Variants in TFDP2 observed in about 807,000 individuals in gnomAD.
TFDP2 encodes the protein transcription factor Dp-2 (E2F dimerization partner 2).
In TFDP2, 17 loss-of-function variants were observed where a neutral mutation model predicts 59.3. That is an observed-to-expected ratio of 0.29 (90% CI 0.20 to 0.43). The LOEUF (loss-of-function observed/expected upper bound fraction) is 0.43, where lower values mean the gene tolerates loss of function less well. Ranked by LOEUF, TFDP2 falls within the 20% of genes least tolerant of loss-of-function variation. The probability of loss-of-function intolerance (pLI) is 1.00; values close to 1 mark genes in which losing one functional copy is unlikely to be tolerated. For synonymous variants in TFDP2, 180 were observed against 194.7 expected (o/e 0.92, Z 0.63); for missense variants, 391 against 528.8 (o/e 0.74, Z 2.56).
rs116256260 is a variant in TFDP2 at position 142,055,099 on chromosome 3, C to A, written c.82+37962G>T. The stretch of plus-strand genomic sequence containing the variant: ...AATCATAAAAACATCCACTTTTGAT[C>A]CTGCAATGCAGTCAGTCTCCTCCTA... On this transcript the variant is annotated intron_variant, in intron 3 of 12. Coordinates refer to ENST00000489671, the MANE Select transcript of TFDP2 (RefSeq NM_001178139.2). 2.3e-3 allele frequency among the ~76,000 whole-genome samples: 344 copies of A among 152,272 alleles called. 4 individuals carry two copies. The highest frequency in any genetic ancestry group is 7.7e-3 in the African/African-American group (322 of 41,564).
intron 1 of TFDP2, among the ~76,000 whole-genome samples, chr3:142,108,536 T>C (rs752183134): frequency 3.9e-5 from 6 of 152,146 alleles, no homozygotes; most frequent in Admixed American, 1.3e-4. Flanking sequence ...AATAAAATAT[T>C]TTAATCTCAG....
intron 3 of TFDP2, among the ~76,000 whole-genome samples, chr3:142,032,869 A>C (rs992814404): frequency 5.5e-4 from 83 of 152,218 alleles, no homozygotes; most frequent in African/African-American, 1.9e-3. Flanking sequence ...AGCCTTAGCC[A>C]TATGTGGCCA....
intron 3 of TFDP2, among the ~76,000 whole-genome samples, chr3:142,085,193 G>A (rs990494165): frequency 2.0e-5 from 3 of 152,312 alleles, no homozygotes; most frequent in South Asian, 4.1e-4. Context: ...GGGGTTACAG[G>A]CATGTGCCAT....
intron 3 of TFDP2, among the ~76,000 whole-genome samples, chr3:142,054,912 A>C (rs1458039950): frequency 1.3e-5 from 2 of 152,152 alleles, no homozygotes; most frequent in Non-Finnish European, 2.9e-5. Flanking sequence ...AAGGACAGAA[A>C]CCTCCAGAGA....
At chr3:142,073,428 T>G (rs1437636292) in intron 3 of TFDP2, among the ~76,000 whole-genome samples, 1 of 137,296 alleles carries the variant, frequency 7.3e-6, no homozygotes, top group Non-Finnish European at 1.5e-5. Context: ...AGATATCAAC[T>G]GTGTTAAATG....
chr3:142,123,186 G>C (rs1041206837), intron 1 of TFDP2, among the ~76,000 whole-genome samples: 5 of 152,178 alleles, frequency 3.3e-5, no homozygotes, highest in African/African-American at 1.2e-4. Flanking sequence ...CCAGGCTGGA[G>C]TACAGCGGCA....
At chr3:142,016,424 G>A (rs1359998424) in intron 3 of TFDP2, among the ~76,000 whole-genome samples, 6 of 151,582 alleles carry the variant, frequency 4.0e-5, no homozygotes, top group African/African-American at 2.4e-5. Context: ...TCAGCCTCCC[G>A]AGTAGCTGGG....
At chr3:142,113,869 ACT>A (rs1410102236) in intron 1 of TFDP2, among the ~76,000 whole-genome samples, 6 of 152,162 alleles carry the variant, frequency 3.9e-5, no homozygotes, top group African/African-American at 1.4e-4. Flanking sequence ...CCTCAAAATA[ACT>A]CTACAGAATA....
In TFDP2 at chr3:142,132,293, A is replaced by G. The variant is rs146591582; in HGVS notation, c.-93+16890T>C. Among the ~76,000 whole-genome samples, 151 of 150,280 alleles carry G rather than the reference A, an allele frequency of 1.0e-3. 5 individuals carry two copies. In the East Asian group the frequency reaches 0.026, roughly 26 times the overall value. ...TCAGAACATAGATTAGTAGTTTCCA[A>G]GGCTGGGAAGAGAAGGGGATGGGAA... is the stretch of plus-strand genomic sequence containing the variant. On this transcript the variant is annotated intron_variant, in intron 1 of 12. Coordinates refer to ENST00000489671, the MANE Select transcript of TFDP2 (RefSeq NM_001178139.2).
intron 3 of TFDP2, among the ~76,000 whole-genome samples, chr3:142,051,454 G>C (rs560497587): frequency 3.6e-4 from 54 of 152,008 alleles, no homozygotes; most frequent in African/African-American, 1.3e-3. Context: ...CGGGAGAATT[G>C]CTTGAGCCTG....
chr3:142,033,316 T>G (rs565884494), intron 3 of TFDP2, among the ~76,000 whole-genome samples: 1 of 152,268 alleles, frequency 6.6e-6, no homozygotes, highest in Non-Finnish European at 1.5e-5. Flanking sequence ...ACACTGTAGA[T>G]ATAGAACATT....
At chr3:141,958,096 T>G (rs1936918552) in intron 11 of TFDP2, among the ~76,000 whole-genome samples, 1 of 152,162 alleles carries the variant, frequency 6.6e-6, no homozygotes, top group South Asian at 2.1e-4. Context: ...TGAAAATTTT[T>G]GGTATCATCT....
chr3:142,136,536 G>C (rs1219432254), intron 1 of TFDP2, among the ~76,000 whole-genome samples: 1 of 151,976 alleles, frequency 6.6e-6, no homozygotes, highest in Non-Finnish European at 1.5e-5. Context: ...TTTTCTTCTA[G>C]GGTTTTTATG....
intron 7 of TFDP2, among the ~76,000 whole-genome samples, chr3:141,977,529 T>A (rs964201875): frequency 6.6e-6 from 1 of 151,296 alleles, no homozygotes; most frequent in Non-Finnish European, 1.5e-5. Flanking sequence ...GAAGTAGAGG[T>A]TTCATTGAGC....
chr3:142,100,116 G>C (rs2078683365), intron 2 of TFDP2, among the ~76,000 whole-genome samples: 1 of 152,190 alleles, frequency 6.6e-6, no homozygotes, highest in Non-Finnish European at 1.5e-5. Flanking sequence ...ATGCAATAAG[G>C]ATTTGTTTGT....
chr3:141,966,496 C>T (rs1223115617), intron 9 of TFDP2, among the ~76,000 whole-genome samples: 1 of 151,684 alleles, frequency 6.6e-6, no homozygotes, highest in Non-Finnish European at 1.5e-5. Context: ...TTAACACTGT[C>T]ACAAATTTCA....
At chr3:141,953,163 GT>G in intron 11 of TFDP2, 147 bp from the exon 12 acceptor site, 1 of 483,912 alleles carries the variant, frequency 2.1e-6, no homozygotes, top group East Asian at 3.5e-5. Flanking sequence ...AAGAACCCAG[GT>G]TTCTTCATCT....
At chr3:142,036,761 C>A (rs902478277) in intron 3 of TFDP2, among the ~76,000 whole-genome samples, 2 of 152,166 alleles carry the variant, frequency 1.3e-5, no homozygotes, top group Non-Finnish European at 2.9e-5. Context: ...ATGATTAGAC[C>A]TAGATGAAAT....
chr3:141,968,374 CATATATCTCAT>C (rs1938542264), intron 9 of TFDP2, among the ~76,000 whole-genome samples: 2 of 98,688 alleles, frequency 2.0e-5, no homozygotes, highest in Non-Finnish European at 4.2e-5. Context: ...TCATATATAA[CATATATCTCAT>C]ATATATAACA....
Sources: gnomAD v4.1 joint callset for allele counts (sites outside exome capture counted in the v4.1 genomes callset) on GRCh38, gnomAD v4.1.1 for gene constraint, MANE v1.5 for transcripts, NCBI Gene and HGNC (gene_info 2026-07-23, HGNC 2026-07-21) for gene names.